The following UGT1A10 variants were observed in gnomAD, a reference collection of about 807,000 sequenced individuals.
UGT1A10 encodes UDP-glucuronosyltransferase 1A10.
In UGT1A10, 49 loss-of-function variants were observed where a neutral mutation model predicts 45.8. The observed-to-expected ratio is 1.07, with a 90% CI of 0.85 to 1.36. The LOEUF (loss-of-function observed/expected upper bound fraction) is 1.36, where lower values mean the gene tolerates loss of function less well. Among genes scored for constraint, UGT1A10 ranks in the 40% most tolerant of loss-of-function variants. The pLI is 0.00. For synonymous variants in UGT1A10, 284 were observed against 249.7 expected, an observed-to-expected ratio of 1.14 and a Z score of -1.29; for missense variants, 745 against 668.6, an observed-to-expected ratio of 1.11 and a Z score of -1.26.
chr2:233,734,728 G>A (rs893989156), intron 1 of UGT1A10, among the ~76,000 whole-genome samples: 13 of 150,534 alleles, frequency 8.6e-5, no homozygotes, highest in African/African-American at 3.2e-4. Flanking sequence ...TGTTCTCGTC[G>A]GTTTCAAAGA....
rs1413037235 is a variant in UGT1A10, at chr2:233,728,990, C to T, written c.856-38044C>T. 4.6e-6 allele frequency: 7 copies of T among 1,537,926 alleles called. No homozygotes were observed. In the Admixed American group the frequency reaches 1.1e-4, roughly 25 times the overall value. On this transcript the variant is annotated intron_variant, in intron 1 of 4. Coordinates refer to ENST00000344644, the MANE Select transcript of UGT1A10 (RefSeq NM_019075.4). ...TGATAGATTAATGGTTAATAATTAA[C>T]TAGAGGAGGGCACTCTGTCTTCCAA...
chr2:233,763,026 C>T (rs1324231755), intron 1 of UGT1A10, among the ~76,000 whole-genome samples: 1 of 152,138 alleles, frequency 6.6e-6, no homozygotes, highest in African/African-American at 2.4e-5. Flanking sequence ...TTATGTTAGC[C>T]ATTGTTTTCT....
chr2:233,692,242 TA>T (rs2075086970), intron 1 of UGT1A10: 1 of 152,356 alleles, frequency 6.6e-6, no homozygotes, highest in Non-Finnish European at 1.5e-5. Context: ...TCCATGGCCA[TA>T]CCCCCATATC....
intron 1 of UGT1A10, chr2:233,648,040 T>C: frequency 6.3e-7 from 1 of 1,593,666 alleles, no homozygotes; most frequent in Non-Finnish European, 8.6e-7. Flanking sequence ...ACTGGGAAGA[T>C]CACTGAATTG....
chr2:233,700,968 T>C (rs2075602743), intron 1 of UGT1A10, among the ~76,000 whole-genome samples: 1 of 150,460 alleles, frequency 6.6e-6, no homozygotes, highest in South Asian at 2.1e-4. Flanking sequence ...GAACATGCGG[T>C]GTTTGATTTT....
At chr2:233,698,327 T>TA in intron 1 of UGT1A10, among the ~76,000 whole-genome samples, 1 of 152,314 alleles carries the variant, frequency 6.6e-6, no homozygotes, top group South Asian at 2.1e-4. Flanking sequence ...TGGAACCAGA[T>TA]AGAGGTGTCA....
chr2:233,755,169 T>C lies in UGT1A10; in HGVS notation c.856-11865T>C, dbSNP rs555147500. 5.0e-4 allele frequency: 628 copies of C among 1,267,204 alleles called. 1 individual carries two copies. The highest frequency in any genetic ancestry group is 1.5e-3 in the Admixed American group (80 of 52,468). The allele number at this position is 1,267,204 out of a possible 1,614,324, so 78.5% of individuals were successfully genotyped here. The stretch of plus-strand genomic sequence containing the variant: ...CGCTTCCTCCCTGTCCTCGGGGTTT[T>C]TGTCGGGGTGCCACTTGAGCGCCAG... On this transcript the variant is annotated intron_variant, in intron 1 of 4. Transcript: ENST00000344644.
In UGT1A10 at chr2:233,772,377, C is replaced by T. The variant is rs72551359; in HGVS notation, c.1411C>T (p.Leu471=). The T allele has an allele frequency of 6.2e-7, 1 of 1,614,256 alleles. No homozygotes were observed. Among genetic ancestry groups the T allele is most frequent in the Non-Finnish European group, 8.5e-7 (1 of 1,180,050 alleles). The change falls in exon 5 of 5, where the codon CTG becomes TTG. Residue 471 remains leucine (L), a synonymous_variant. Coordinates refer to ENST00000344644, the MANE Select transcript of UGT1A10 (RefSeq NM_019075.4). The stretch of plus-strand genomic sequence containing the variant: ...GATGAGGCACAAGGGCGCGCCACAC[C>T]TGCGCCCCGCAGCCCACGACCTCAC... ...FVMRHKGAPH[L]RPAAHDLTWY...
intron 1 of UGT1A10, among the ~76,000 whole-genome samples, chr2:233,701,132 A>C (rs1303969880): frequency 1.3e-5 from 2 of 152,144 alleles, no homozygotes; most frequent in African/African-American, 4.8e-5. Context: ...AGGGACATTT[A>C]GGTTGGTTCC....
At chr2:233,679,288 C>G (rs760251029) in intron 1 of UGT1A10, among the ~76,000 whole-genome samples, 2 of 152,180 alleles carry the variant, frequency 1.3e-5, no homozygotes, top group Non-Finnish European at 2.9e-5. Context: ...TCTGCCTTCA[C>G]GGACAAAGCC....
At position 233,772,409 on chromosome 2, in the gene UGT1A10, C is replaced by T. The variant is rs147132183; in HGVS notation, c.1443C>T (p.Tyr481=). The part of the protein sequence containing the change: ...LRPAAHDLTW[Y]QYHSLDVIGF... ...CCGCAGCCCACGACCTCACCTGGTA[C>T]CAGTACCATTCCTTGGACGTGATTG... is the stretch of plus-strand genomic sequence containing the variant. Residue 481 remains tyrosine (Y), a synonymous_variant, in exon 5 of 5, where the codon TAC becomes TAT. Coordinates refer to ENST00000344644, the MANE Select transcript of UGT1A10 (RefSeq NM_019075.4). 8.1e-6 allele frequency: 13 copies of T among 1,614,110 alleles called. No homozygotes were observed. In the African/African-American group the frequency reaches 1.2e-4, roughly 15 times the overall value.
At chr2:233,643,721 A>T (rs2073521913) in intron 1 of UGT1A10, among the ~76,000 whole-genome samples, 1 of 152,114 alleles carries the variant, frequency 6.6e-6, no homozygotes, top group Non-Finnish European at 1.5e-5. Flanking sequence ...ACGAGGTTTC[A>T]CTGCTGGTAT....
At chr2:233,729,885 T>C (rs2077943126) in intron 1 of UGT1A10, 3 of 1,613,802 alleles carry the variant, frequency 1.9e-6, no homozygotes, top group South Asian at 1.1e-5. Context: ...GTCATGCATC[T>C]GTGTGGCTGT....
chr2:233,757,047 T>C (rs1479467900), intron 1 of UGT1A10, among the ~76,000 whole-genome samples: 1 of 151,210 alleles, frequency 6.6e-6, no homozygotes, highest in Non-Finnish European at 1.5e-5. Context: ...CAAAGGAAGT[T>C]TGGGGAACAG....
intron 1 of UGT1A10, among the ~76,000 whole-genome samples, chr2:233,704,599 G>A (rs557882301): frequency 2.0e-5 from 3 of 152,196 alleles, no homozygotes; most frequent in African/African-American, 7.2e-5. Flanking sequence ...AGAAAGAAGA[G>A]CAAGTATGTA....
rs771993243 is a variant in UGT1A10 at position 233,755,018 on chromosome 2, C to G, written c.856-12016C>G. 2.3e-6 allele frequency: 3 copies of G among 1,302,150 alleles called. No homozygotes were observed. In the South Asian group the frequency reaches 3.5e-5, roughly 15 times the overall value. The allele number at this position is 1,302,150 out of a possible 1,614,324, so 80.7% of individuals were successfully genotyped here. ...AGCTGAAGACCTACTCGAAGGGGTCCTTGAAGGGCCTGCCGCCTGCGCAGC... is the reference window on the plus strand; with the variant it reads ...AGCTGAAGACCTACTCGAAGGGGTCGTTGAAGGGCCTGCCGCCTGCGCAGC... On this transcript the variant is annotated intron_variant, in intron 1 of 4. Transcript: ENST00000344644.
intron 1 of UGT1A10, chr2:233,718,743 A>C: frequency 6.2e-7 from 1 of 1,612,082 alleles, no homozygotes; most frequent in Admixed American, 1.7e-5. Context: ...CTCAATGACA[A>C]GGTAATTAAG....
At chr2:233,729,950 T>C (rs1336852527) in intron 1 of UGT1A10, 2 of 1,613,962 alleles carry the variant, frequency 1.2e-6, no homozygotes, top group Non-Finnish European at 1.7e-6. Context: ...AACATGGTCT[T>C]CATTGGGGGC....
rs2073674814 is a variant in UGT1A10, at chr2:233,649,084, A to T, written c.855+11707A>T. ...ATTCTGGATTTGAATATTTAAAAAG[A>T]TTCCTTACGGAACTGGGATTTGACA... On this transcript the variant is annotated intron_variant, in intron 1 of 4. Transcript: ENST00000344644. 4.5e-6 allele frequency: 4 copies of T among 889,272 alleles called. No homozygotes were observed. In the African/African-American group the frequency reaches 5.2e-5, roughly 12 times the overall value. 55.1% of individuals were successfully genotyped at this position (889,272 alleles called of 1,614,324 possible).
Sources: allele counts gnomAD v4.1 joint callset (sites outside exome capture counted in the v4.1 genomes callset), GRCh38; gene constraint gnomAD v4.1.1; transcripts MANE v1.5; gene names NCBI Gene and HGNC (gene_info 2026-07-23, HGNC 2026-07-21).